Variants in KRABD2 observed in about 807,000 individuals in gnomAD.
KRABD2 encodes KRAB domain containing 2, also known as KRAB domain-containing protein 2.
the KRABD2 span, chr17:8,369,026 G>C: frequency 4.8e-6 from 7 of 1,472,318 alleles, no homozygotes; most frequent in African/African-American, 1.4e-5. Context: ...TGTACAACTT[G>C]ACCTGAGAGT....
chr17:8,363,863 T>G, the KRABD2 span, among the ~76,000 whole-genome samples: 1 of 55,742 alleles, frequency 1.8e-5, no homozygotes, highest in African/African-American at 7.0e-5. Context: ...ATATATATAT[T>G]TATTTATTTA....
chr17:8,359,476 G>T, the KRABD2 span: 1 of 410,004 alleles, frequency 2.4e-6, no homozygotes, highest in South Asian at 1.8e-5. Flanking sequence ...CTATTTTTCT[G>T]CATTTAGCAG....
At chr17:8,367,127 T>C in the KRABD2 span, 3 of 152,238 alleles carry the variant, frequency 2.0e-5, no homozygotes, top group Non-Finnish European at 4.4e-5. Context: ...CAGCTTTACA[T>C]TCTTGAGACC....
At chr17:8,369,712 G>A in the KRABD2 span, 25 of 1,614,234 alleles carry the variant, frequency 1.5e-5, no homozygotes, top group East Asian at 4.9e-4. Flanking sequence ...TCATGGGCCT[G>A]TTTGGTTCTT....
chr17:8,371,167 C>CA, the KRABD2 span: 18,930 of 545,912 alleles, frequency 0.035, 1 homozygote, highest in South Asian at 0.04. Flanking sequence ...GAGACTGTTT[C>CA]AAAAAAAAAA....
chr17:8,364,159 G>A, the KRABD2 span, among the ~76,000 whole-genome samples: 1 of 151,850 alleles, frequency 6.6e-6, no homozygotes, highest in Non-Finnish European at 1.5e-5. This position sits in a 1 kb window ranked among gnomAD's most constrained non-coding sequence, Gnocchi z 4.4. Context: ...GTGAGCCACC[G>A]CACCCAGCCC....
At chr17:8,374,052 C>T in the KRABD2 span, among the ~76,000 whole-genome samples, 32 of 149,122 alleles carry the variant, frequency 2.1e-4, no homozygotes, top group African/African-American at 7.9e-4. Context: ...TGGGGGGCAG[C>T]CCCCGCCCGG....
chr17:8,366,833 T>C, the KRABD2 span, among the ~76,000 whole-genome samples: 1 of 152,112 alleles, frequency 6.6e-6, no homozygotes, highest in South Asian at 2.1e-4. Context: ...GGGATCTTCC[T>C]ACCTCAGGCT....
At chr17:8,359,982 C>G in the KRABD2 span, 1 of 385,312 alleles carries the variant, frequency 2.6e-6, no homozygotes, top group Admixed American at 3.1e-5. Context: ...CTGAATGACT[C>G]ACCAAAGTTA....
At chr17:8,374,628 T>TAAAAAA in the KRABD2 span, among the ~76,000 whole-genome samples, 4 of 71,430 alleles carry the variant, frequency 5.6e-5, no homozygotes, top group Non-Finnish European at 8.1e-5. Flanking sequence ...CAATAAATAC[T>TAAAAAA]AAAAAAAAAA....
the KRABD2 span, chr17:8,375,931 C>T: frequency 6.5e-6 from 8 of 1,229,912 alleles, no homozygotes; most frequent in Non-Finnish European, 7.1e-6. Context: ...GTTTCCGACT[C>T]GGAATGTCCT....
the KRABD2 span, chr17:8,371,683 C>T: frequency 0.26 from 366,851 of 1,398,578 alleles, 48,949 homozygotes; most frequent in Non-Finnish European, 0.27. Flanking sequence ...CCAGTTTTGA[C>T]GCTGCCAGAG....
chr17:8,373,272 C>T, the KRABD2 span, among the ~76,000 whole-genome samples: 1 of 152,200 alleles, frequency 6.6e-6, no homozygotes, highest in Non-Finnish European at 1.5e-5. Context: ...TGCAACCTCC[C>T]TGCCTGATTC....
At chr17:8,376,666 G>A in the KRABD2 span, 14 of 984,820 alleles carry the variant, frequency 1.4e-5, no homozygotes, top group Admixed American at 6.2e-5. Flanking sequence ...CGCGGCGTCT[G>A]AATCCCCCTC....
chr17:8,376,655 A>T, the KRABD2 span: 2 of 985,396 alleles, frequency 2.0e-6, no homozygotes, highest in Non-Finnish European at 1.2e-6. Context: ...GACACACCAG[A>T]CGCGGCGTCT....
At chr17:8,376,119 C>T in the KRABD2 span, 4 of 1,231,660 alleles carry the variant, frequency 3.2e-6, no homozygotes. Flanking sequence ...AAGGTAGGGA[C>T]GGAGGCTTCT....
At chr17:8,371,991 C>T in the KRABD2 span, 5 of 985,822 alleles carry the variant, frequency 5.1e-6, no homozygotes, top group Non-Finnish European at 6.0e-6. Context: ...GGGGAGTTCA[C>T]ATGAGGACTG....
chr17:8,367,866 C>T, the KRABD2 span, among the ~76,000 whole-genome samples: 1 of 150,954 alleles, frequency 6.6e-6, no homozygotes, highest in East Asian at 2.0e-4. Context: ...GCTGACCTTC[C>T]CTCCACTATT....
the KRABD2 span, among the ~76,000 whole-genome samples, chr17:8,362,302 C>T: frequency 1.3e-4 from 19 of 151,766 alleles, no homozygotes; most frequent in Non-Finnish European, 2.5e-4. This position sits in a 1 kb window ranked among gnomAD's most constrained non-coding sequence, Gnocchi z 4.2. Flanking sequence ...TGCACTCCAG[C>T]CTGGGCGACA....
Sources: allele counts gnomAD v4.1 joint callset (sites outside exome capture counted in the v4.1 genomes callset), GRCh38; gene constraint gnomAD v4.1.1; non-coding constraint Gnocchi (gnomAD v3.1); transcripts MANE v1.5; gene names NCBI Gene and HGNC (gene_info 2026-07-23, HGNC 2026-07-21).